DPYD: variants seen among roughly 807,000 people sequenced by gnomAD.
The protein encoded by DPYD is dihydropyrimidine dehydrogenase [NADP(+)].
Under a neutral mutation model 116.2 loss-of-function variants are expected in DPYD, and 109 were observed. The observed-to-expected ratio is 0.94, with a 90% CI of 0.80 to 1.10. DPYD has a LOEUF of 1.10. Among genes scored for constraint, DPYD ranks in the 50% least tolerant of loss-of-function variants. The pLI, the probability that DPYD is intolerant of heterozygous loss-of-function variation, is 0.00. For synonymous variants in DPYD, 440 were observed against 432.0 expected, an observed-to-expected ratio of 1.02 and a Z score of -0.23; for missense variants, 1,302 against 1,254.5, an observed-to-expected ratio of 1.04 and a Z score of -0.57.
intron 8 of DPYD, among the ~76,000 whole-genome samples, chr1:97,657,297 T>C (rs1658981481): frequency 6.6e-6 from 1 of 152,096 alleles, no homozygotes; most frequent in Non-Finnish European, 1.5e-5. Context: ...CACTGTTCAA[T>C]TAGCCTGCCA....
intron 3 of DPYD, among the ~76,000 whole-genome samples, chr1:97,776,093 T>G (rs1037977496): frequency 1.3e-5 from 2 of 152,144 alleles, no homozygotes; most frequent in Non-Finnish European, 2.9e-5. Flanking sequence ...GATCTAGCAT[T>G]TGATAGTACA....
At chr1:97,292,490 A>G (rs1445584778) in intron 18 of DPYD, among the ~76,000 whole-genome samples, 1 of 152,212 alleles carries the variant, frequency 6.6e-6, no homozygotes, top group Non-Finnish European at 1.5e-5. Flanking sequence ...CATAGAGGTA[A>G]CTGCCCCCAT....
intron 2 of DPYD, among the ~76,000 whole-genome samples, chr1:97,838,675 C>T (rs1039160129): frequency 4.0e-5 from 6 of 151,458 alleles, no homozygotes; most frequent in Non-Finnish European, 8.8e-5. Context: ...GAAACCCCGT[C>T]TCTACTAAAA....
intron 2 of DPYD, among the ~76,000 whole-genome samples, chr1:97,848,067 T>C (rs905728027): frequency 2.0e-5 from 3 of 152,206 alleles, no homozygotes; most frequent in African/African-American, 7.2e-5. Flanking sequence ...TTAATGAAAA[T>C]TGTTATACCC....
intron 4 of DPYD, among the ~76,000 whole-genome samples, chr1:97,737,555 C>T (rs1258959875): frequency 6.6e-6 from 1 of 152,012 alleles, no homozygotes; most frequent in East Asian, 1.9e-4. Flanking sequence ...TTGAGCAAAG[C>T]TTTAGAAAGT....
At chr1:97,232,500 C>T (rs1661647033) in intron 19 of DPYD, among the ~76,000 whole-genome samples, 1 of 152,010 alleles carries the variant, frequency 6.6e-6, no homozygotes. Flanking sequence ...GCCTTTTTCA[C>T]CTCTCCTCTG....
chr1:97,570,813 T>C (rs1033060371), intron 11 of DPYD, among the ~76,000 whole-genome samples: 2 of 151,930 alleles, frequency 1.3e-5, no homozygotes, highest in Non-Finnish European at 2.9e-5. Context: ...CACCCTAGTC[T>C]ATGGAATTTT....
intron 5 of DPYD, among the ~76,000 whole-genome samples, chr1:97,714,579 A>G (rs1442961303): frequency 6.6e-6 from 1 of 151,532 alleles, no homozygotes; most frequent in African/African-American, 2.4e-5. Context: ...CTAAAGAAGG[A>G]ACCCAACATT....
chr1:97,872,485 GC>G (rs1671704282), intron 2 of DPYD, among the ~76,000 whole-genome samples: 1 of 151,886 alleles, frequency 6.6e-6, no homozygotes, highest in Non-Finnish European at 1.5e-5. Context: ...AATAATTAAA[GC>G]AAAGCATTTT....
At chr1:97,498,619 A>T (rs1419570092) in intron 13 of DPYD, among the ~76,000 whole-genome samples, 1 of 151,736 alleles carries the variant, frequency 6.6e-6, no homozygotes, top group East Asian at 1.9e-4. Flanking sequence ...CTATATATTA[A>T]TGGAAGCCAG....
chr1:97,716,205 C>A (rs915805177), intron 5 of DPYD, among the ~76,000 whole-genome samples: 4 of 151,710 alleles, frequency 2.6e-5, no homozygotes, highest in Admixed American at 2.6e-4. Flanking sequence ...CTGTGTCTAC[C>A]CTTGATAAAA....
At chr1:97,181,776 A>C (rs952487994) in intron 20 of DPYD, among the ~76,000 whole-genome samples, 7 of 152,200 alleles carry the variant, frequency 4.6e-5, no homozygotes, top group Admixed American at 4.6e-4. Flanking sequence ...GTATTATCCC[A>C]AATTGCCTAT....
chr1:97,083,120 T>A (rs1277623528), intron 21 of DPYD, among the ~76,000 whole-genome samples: 1 of 152,184 alleles, frequency 6.6e-6, no homozygotes, highest in East Asian at 1.9e-4. Flanking sequence ...AGATCTTTCA[T>A]GTGATTACAC....
rs772507658 is a variant in DPYD, at chr1:97,595,133, TG to T, written c.883del (p.Gln295LysfsTer3). The T allele has an allele frequency of 6.2e-7, 1 of 1,613,766 alleles. No individual in the cohort carries two copies. Among genetic ancestry groups the T allele is most frequent in the Admixed American group, 1.7e-5 (1 of 60,026 alleles). ...LPEPNKDAIF[Q>X]GLTQDQGFYT... is the part of the protein sequence containing the mutation. ...AAACCCCTGGTCCTGCGTCAGGCCT[TG>T]GAAGATGGCATCTTTATTGGGTTCT... On this transcript the variant is annotated frameshift_variant, in exon 9 of 23. Coordinates refer to ENST00000370192, the MANE Select transcript of DPYD (RefSeq NM_000110.4). LOFTEE classifies it high-confidence loss of function.
At chr1:97,323,103 T>TA (rs1668398973) in intron 16 of DPYD, 1 of 150,608 alleles carries the variant, frequency 6.6e-6, no homozygotes, top group South Asian at 2.1e-4. Flanking sequence ...TTACTATTTT[T>TA]TATATATATA....
chr1:97,292,702 ACGCGCG>A (rs1440528273), intron 18 of DPYD, among the ~76,000 whole-genome samples: 1 of 120,278 alleles, frequency 8.3e-6, no homozygotes, highest in Non-Finnish European at 1.8e-5. Context: ...ACATGCGTGC[ACGCGCG>A]CGCACACGCG....
intron 3 of DPYD, among the ~76,000 whole-genome samples, chr1:97,808,733 C>CT (rs202021607): frequency 0.018 from 2,679 of 151,310 alleles, 93 homozygotes; most frequent in African/African-American, 0.061. Context: ...GGGTTTATAT[C>CT]TTTTTATTAT....
chr1:97,616,840 TAA>T (rs1304391548), intron 8 of DPYD, among the ~76,000 whole-genome samples: 1 of 152,188 alleles, frequency 6.6e-6, no homozygotes, highest in East Asian at 1.9e-4. Context: ...TTAAAATTCC[TAA>T]GATTATTAGA....
intron 20 of DPYD, among the ~76,000 whole-genome samples, chr1:97,121,870 T>G (rs1183612686): frequency 6.6e-6 from 1 of 152,184 alleles, no homozygotes; most frequent in East Asian, 1.9e-4. Flanking sequence ...AGGGCCATTA[T>G]AGCATAGGTA....
Sources: gnomAD v4.1 joint callset for allele counts (sites outside exome capture counted in the v4.1 genomes callset) on GRCh38, gnomAD v4.1.1 for gene constraint, MANE v1.5 for transcripts, NCBI Gene and HGNC (gene_info 2026-07-23, HGNC 2026-07-21) for gene names.